Variants in NPTXR observed in about 807,000 individuals in gnomAD.
NPTXR encodes neuronal pentraxin receptor.
Under a neutral mutation model 32.2 loss-of-function variants are expected in NPTXR, and 12 were observed. That is an observed-to-expected ratio of 0.37 (90% CI 0.24 to 0.60). NPTXR has a LOEUF of 0.60. Among genes scored for constraint, NPTXR ranks in the 20% least tolerant of loss-of-function variants. The probability of loss-of-function intolerance (pLI) is 0.66; values close to 1 mark genes in which losing one functional copy is unlikely to be tolerated. For missense variants in NPTXR, 612 were observed against 682.9 expected (o/e 0.90, Z 1.16); for synonymous variants, 323 against 315.8 (o/e 1.02, Z -0.24).
At chr22:38,836,902 C>A (rs1452082907) in intron 1 of NPTXR, among the ~76,000 whole-genome samples, 2 of 152,164 alleles carry the variant, frequency 1.3e-5, no homozygotes, top group Non-Finnish European at 2.9e-5. Context: ...GCAACCTCAG[C>A]CTCCCAGGTT....
chr22:38,843,899 C>G lies in NPTXR; in HGVS notation c.-41G>C. ...GGGGGCGCCCGAGGCCCCCGGCAGGCGCGGCGGCGGGGTCGGGGCGCGGAG... is the reference window on the plus strand; with the variant it reads ...GGGGGCGCCCGAGGCCCCCGGCAGGGGCGGCGGCGGGGTCGGGGCGCGGAG... On this transcript the variant is annotated 5_prime_UTR_variant, in exon 1 of 5. Transcript: ENST00000333039. This position sits in a 1 kb window ranked among gnomAD's most constrained non-coding sequence, Gnocchi z 5.3. The G allele has an allele frequency of 1.0e-6, 1 of 978,408 alleles. No individual in the cohort carries two copies. Among genetic ancestry groups the G allele is most frequent in the Non-Finnish European group, 1.2e-6 (1 of 825,984 alleles). The allele number at this position is 978,408 out of a possible 1,614,324, so 60.6% of individuals were successfully genotyped here.
chr22:38,842,816 A>C (rs1024957065), intron 1 of NPTXR, among the ~76,000 whole-genome samples: 1 of 152,204 alleles, frequency 6.6e-6, no homozygotes, highest in Admixed American at 6.5e-5. Context: ...CTGGCCATAA[A>C]GTGTGAGCGT....
intron 1 of NPTXR, among the ~76,000 whole-genome samples, chr22:38,837,526 G>A (rs1453142774): frequency 6.6e-6 from 1 of 152,238 alleles, no homozygotes; most frequent in African/African-American, 2.4e-5. Flanking sequence ...GACACCAAGA[G>A]ATCCTCGAAG....
At chr22:38,832,092 G>A (rs1327649147) in intron 1 of NPTXR, among the ~76,000 whole-genome samples, 1 of 152,196 alleles carries the variant, frequency 6.6e-6, no homozygotes, top group Non-Finnish European at 1.5e-5. Context: ...CTGTTTGGAG[G>A]AGAAAACGTG....
At chr22:38,829,105 G>A (rs917592727) in intron 1 of NPTXR, among the ~76,000 whole-genome samples, 4 of 152,186 alleles carry the variant, frequency 2.6e-5, no homozygotes, top group East Asian at 1.9e-4. Context: ...AAACCAGCTC[G>A]GTAACCAATC....
chr22:38,828,472 G>A lies in NPTXR; in HGVS notation c.665C>T (p.Ala222Val), dbSNP rs572544703. 5.6e-6 allele frequency: 9 copies of A among 1,605,222 alleles called. No homozygotes were observed. In the South Asian group the frequency reaches 1.0e-4, roughly 18 times the overall value. ...GCCGGTGGGCACAGCAGAGACTGGG[G>A]CTGGGGCAGCTGAGAGGTTCACACG... The change falls in exon 2 of 5, where the codon GCC (alanine) becomes GTC (valine). Residue 222 changes from alanine to valine, a missense_variant. Physicochemically the swap from Ala to Val is moderately conservative, Grantham distance 64 (BLOSUM62 0). Transcript: ENST00000333039.
chr22:38,842,639 G>C (rs1242650281), intron 1 of NPTXR, among the ~76,000 whole-genome samples: 2 of 152,176 alleles, frequency 1.3e-5, no homozygotes, highest in Admixed American at 1.3e-4. Flanking sequence ...GAGGCTGGGC[G>C]CCTGGCACCT....
chr22:38,829,888 C>T (rs2093113553), intron 1 of NPTXR, among the ~76,000 whole-genome samples: 1 of 152,218 alleles, frequency 6.6e-6, no homozygotes, highest in Non-Finnish European at 1.5e-5. Flanking sequence ...AATCCCCTGT[C>T]CAGCCTCACT....
At chr22:38,825,435 G>A (rs1026190075) in intron 3 of NPTXR, among the ~76,000 whole-genome samples, 5 of 152,136 alleles carry the variant, frequency 3.3e-5, no homozygotes, top group African/African-American at 9.7e-5. Flanking sequence ...AATAATGTGA[G>A]TAAACTGCTT....
intron 1 of NPTXR, among the ~76,000 whole-genome samples, chr22:38,836,929 C>T (rs2093124839): frequency 6.6e-6 from 1 of 152,206 alleles, no homozygotes; most frequent in South Asian, 2.1e-4. Flanking sequence ...ATTCTCCTGC[C>T]TCAGCCTCCC....
intron 1 of NPTXR, among the ~76,000 whole-genome samples, chr22:38,838,192 CGGGCGTATCT>C (rs143851559): frequency 0.057 from 8,642 of 151,942 alleles, 674 homozygotes; most frequent in African/African-American, 0.18. Flanking sequence ...AAGCATGTTT[CGGGCGTATCT>C]GGCCTGCTAT....
At chr22:38,839,302 C>G (rs757571678) in intron 1 of NPTXR, among the ~76,000 whole-genome samples, 1 of 152,198 alleles carries the variant, frequency 6.6e-6, no homozygotes, top group South Asian at 2.1e-4. Flanking sequence ...GGCCTGTAGC[C>G]GCATCATTGG....
chr22:38,836,066 C>T (rs1603246311), intron 1 of NPTXR, among the ~76,000 whole-genome samples: 1 of 152,146 alleles, frequency 6.6e-6, no homozygotes, highest in Non-Finnish European at 1.5e-5. Context: ...CATGAATCAT[C>T]AGAGCAATAC....
At chr22:38,832,297 G>A (rs2093117510) in intron 1 of NPTXR, among the ~76,000 whole-genome samples, 1 of 152,218 alleles carries the variant, frequency 6.6e-6, no homozygotes, top group South Asian at 2.1e-4. Flanking sequence ...TGCCGCGTGG[G>A]CTCCCGGCCC....
rs993119803 is a variant in NPTXR, at chr22:38,819,807, G to A, written c.*2802C>T. ...TGACTCCTCTTTCCCTGTCTGCTTG[G>A]ATGTGCTCAGGGGCAGCAGAAGATA... On this transcript the variant is annotated 3_prime_UTR_variant, in exon 5 of 5. Coordinates refer to ENST00000333039, the MANE Select transcript of NPTXR (RefSeq NM_014293.4). 6.6e-6 allele frequency: 1 copy of A among 152,656 alleles called. No homozygotes were observed. Among genetic ancestry groups the A allele is most frequent in the African/African-American group, 2.4e-5 (1 of 41,448 alleles). 9.5% of individuals were successfully genotyped at this position (152,656 alleles called of 1,614,324 possible).
intron 1 of NPTXR, among the ~76,000 whole-genome samples, chr22:38,836,879 A>G (rs1301965164): frequency 2.6e-5 from 4 of 152,070 alleles, no homozygotes; most frequent in Non-Finnish European, 5.9e-5. Flanking sequence ...CAGTGGTGCA[A>G]TCTCAGCTCA....
At chr22:38,823,965 G>T (rs1436164011) in intron 3 of NPTXR, among the ~76,000 whole-genome samples, 2 of 151,930 alleles carry the variant, frequency 1.3e-5, no homozygotes, top group Non-Finnish European at 2.9e-5. Flanking sequence ...TCCTCATCTG[G>T]TAAGTTTCCT....
At position 38,830,973 on chromosome 22, in the gene NPTXR, G is replaced by A. The variant is rs573663085; in HGVS notation, c.625-2461C>T. ...GAGGATGGGGTGGAGGCCAGGTGAA[G>A]GTGGGCATGGGATGGGCGAGGAGCC... On this transcript the variant is annotated intron_variant, in intron 1 of 4. Transcript: ENST00000333039. Among the ~76,000 whole-genome samples, 3 of 152,348 alleles carry A rather than the reference G, an allele frequency of 2.0e-5. No individual in the cohort carries two copies. In the South Asian group the frequency reaches 6.2e-4, roughly 32 times the overall value.
At chr22:38,828,738 G>GC (rs1185503306) in intron 1 of NPTXR, among the ~76,000 whole-genome samples, 1 of 152,254 alleles carries the variant, frequency 6.6e-6, no homozygotes, top group South Asian at 2.1e-4. Flanking sequence ...GGCAGAGCTG[G>GC]CCCCGGCCCT....
Sources: allele counts gnomAD v4.1 joint callset (sites outside exome capture counted in the v4.1 genomes callset), GRCh38; gene constraint gnomAD v4.1.1; non-coding constraint Gnocchi (gnomAD v3.1); transcripts MANE v1.5; gene names NCBI Gene and HGNC (gene_info 2026-07-23, HGNC 2026-07-21).